The following JDP2 variants were observed in gnomAD, a reference collection of about 807,000 sequenced individuals.
JDP2 encodes the protein progesterone receptor co-activator.
In JDP2, 9 loss-of-function variants were observed where a neutral mutation model predicts 17.1. The observed-to-expected ratio is 0.53, with a 90% CI of 0.32 to 0.92. The LOEUF (loss-of-function observed/expected upper bound fraction) is 0.92. Among genes scored for constraint, JDP2 ranks in the 40% least tolerant of loss-of-function variants. The pLI is 0.04. For synonymous variants in JDP2, 107 were observed against 95.6 expected (o/e 1.12, Z -0.69); for missense variants, 179 against 220.0 (o/e 0.81, Z 1.18).
In JDP2 at chr14:75,469,751, G is replaced by A. The variant is rs1028452312; in HGVS notation, c.*276G>A. On this transcript the variant is annotated 3_prime_UTR_variant, in exon 4 of 4. Transcript: ENST00000651602. Reference sequence around the variant, plus strand: ...CCTGGGGCCCCACTTGAAGGAGGCAGGACAGAGGCACCGAGGCCAGGGAGA... The same window carrying A: ...CCTGGGGCCCCACTTGAAGGAGGCAAGACAGAGGCACCGAGGCCAGGGAGA... 6 of 399,882 alleles carry A rather than the reference G, an allele frequency of 1.5e-5. No homozygotes were observed. The highest frequency in any genetic ancestry group is 6.9e-4 in the Middle Eastern group (1 of 1,454). 24.8% of individuals were successfully genotyped at this position (399,882 alleles called of 1,614,324 possible). A position where few individuals can be genotyped will look rare whatever the true frequency, so the allele number is the denominator to read the frequency against.
At chr14:75,468,683 A>C (rs569894935) in intron 3 of JDP2, among the ~76,000 whole-genome samples, 2 of 152,384 alleles carry the variant, frequency 1.3e-5, no homozygotes, top group African/African-American at 4.8e-5. Context: ...GTCTGTGGGC[A>C]AAGCTTCCAG....
At position 75,428,864 on chromosome 14, in the gene JDP2, G is replaced by T. The variant is rs573386031; in HGVS notation, c.-24+612G>T. ...GCTCTGGGCTGGGAGGGGATCTAGGGGTGGCCGGGGTCCCCTTTGGGCTCT... is the reference window on the plus strand; with the variant it reads ...GCTCTGGGCTGGGAGGGGATCTAGGTGTGGCCGGGGTCCCCTTTGGGCTCT... On this transcript the variant is annotated intron_variant, in intron 1 of 3. Coordinates refer to ENST00000651602, the MANE Select transcript of JDP2 (RefSeq NM_001135048.2). The surrounding 1 kb of genome is among the most constrained non-coding windows in gnomAD (Gnocchi z 5.6). Among the ~76,000 whole-genome samples the T allele has an allele frequency of 1.3e-5, 2 of 152,264 alleles. No individual in the cohort carries two copies. The highest frequency in any genetic ancestry group is 4.8e-5 in the African/African-American group (2 of 41,546).
At chr14:75,452,942 A>G (rs1026906975) in intron 2 of JDP2, among the ~76,000 whole-genome samples, 2 of 152,234 alleles carry the variant, frequency 1.3e-5, no homozygotes, top group African/African-American at 2.4e-5. Flanking sequence ...AGGCCTGGCA[A>G]GAGATGACGG....
At chr14:75,455,055 T>C (rs1322768855) in intron 2 of JDP2, among the ~76,000 whole-genome samples, 2 of 152,144 alleles carry the variant, frequency 1.3e-5, no homozygotes, top group Admixed American at 6.5e-5. Context: ...TAGAGATGTA[T>C]TTTGCAGGTG....
rs1886783238 is a variant in JDP2 at position 75,470,640 on chromosome 14, GT to G, written c.*1167del. 1 of 152,242 alleles carries G rather than the reference GT, an allele frequency of 6.6e-6. No individual in the cohort carries two copies. Among genetic ancestry groups the G allele is most frequent in the Non-Finnish European group, 1.5e-5 (1 of 68,058 alleles). The allele number at this position is 152,242 out of a possible 1,614,324, so 9.4% of individuals were successfully genotyped here. A position where few individuals can be genotyped will look rare whatever the true frequency, so the allele number is the denominator to read the frequency against. ...TTACTATTTTGAGAGCAGTCAGAGT[GT>G]TCGCTCACTCTGCAGATGTTTTCTG... On this transcript the variant is annotated 3_prime_UTR_variant, in exon 4 of 4. Coordinates refer to ENST00000651602, the MANE Select transcript of JDP2 (RefSeq NM_001135048.2).
rs576125238 is a variant in JDP2 at position 75,430,123 on chromosome 14, T to C, written c.-24+1871T>C. On this transcript the variant is annotated intron_variant, in intron 1 of 3. Transcript: ENST00000651602. The surrounding 1 kb of genome is among the most constrained non-coding windows in gnomAD (Gnocchi z 4.5). ...TCCTCCTGACTCCCTGGGTTTGTTG[T>C]CATCTCCCTACCTGTTTGTAGGATG... is the stretch of plus-strand genomic sequence containing the variant. 3.2e-4 allele frequency among the ~76,000 whole-genome samples: 49 copies of C among 152,206 alleles called. No individual in the cohort carries two copies. Among genetic ancestry groups the C allele is most frequent in the Non-Finnish European group, 6.5e-4 (44 of 68,028 alleles).
At position 75,473,180 on chromosome 14, in the gene JDP2, A is replaced by T. The variant is rs1396265172; in HGVS notation, c.*3705A>T. 2.0e-5 allele frequency: 3 copies of T among 152,210 alleles called. No individual in the cohort carries two copies. Among genetic ancestry groups the T allele is most frequent in the Non-Finnish European group, 2.9e-5 (2 of 68,060 alleles). The allele number at this position is 152,210 out of a possible 1,614,324, so 9.4% of individuals were successfully genotyped here. ...CGGTGAAACCCTGTCTCTACTAATA[A>T]TACAAAAAATTAGCCGGGCATGGTG... On this transcript the variant is annotated 3_prime_UTR_variant, in exon 4 of 4. Coordinates refer to ENST00000651602, the MANE Select transcript of JDP2 (RefSeq NM_001135048.2).
rs1420137094 is a variant in JDP2 at position 75,428,274 on chromosome 14, G to A, written c.-24+22G>A. 2.0e-5 allele frequency: 3 copies of A among 146,770 alleles called. No individual in the cohort carries two copies. The highest frequency in any genetic ancestry group is 7.3e-5 in the African/African-American group (3 of 40,850). 9.1% of individuals were successfully genotyped at this position (146,770 alleles called of 1,614,324 possible). On this transcript the variant is annotated intron_variant, in intron 1 of 3. Coordinates refer to ENST00000651602, the MANE Select transcript of JDP2 (RefSeq NM_001135048.2). This position sits in a 1 kb window ranked among gnomAD's most constrained non-coding sequence, Gnocchi z 5.6. ...CACGGTGGGTGCGAGGGCGCGCGCT[G>A]GGGGCGCCGGGACGGGCGGGGCGGG...
chr14:75,437,860 C>A, intron 1 of JDP2, 38 bp from the exon 2 acceptor site: 3 of 1,462,314 alleles, frequency 2.1e-6, no homozygotes, highest in Non-Finnish European at 9.2e-7. Context: ...GAGCCCCCAA[C>A]CTGGCTGACT....
chr14:75,436,792 T>C (rs554283095), intron 1 of JDP2, among the ~76,000 whole-genome samples: 1 of 152,346 alleles, frequency 6.6e-6, no homozygotes, highest in East Asian at 1.9e-4. Flanking sequence ...ATTCCCTTGG[T>C]GTTGACCTGT....
intron 2 of JDP2, among the ~76,000 whole-genome samples, chr14:75,453,888 G>T (rs972876503): frequency 1.3e-5 from 2 of 152,132 alleles, no homozygotes; most frequent in African/African-American, 4.8e-5. Context: ...TGGGGGTTTT[G>T]GTTTTTCTTT....
chr14:75,437,666 A>G (rs918162847), intron 1 of JDP2, among the ~76,000 whole-genome samples: 1 of 152,242 alleles, frequency 6.6e-6, no homozygotes, highest in Non-Finnish European at 1.5e-5. Flanking sequence ...TGCCTTCAAA[A>G]TAAAAAAGGC....
chr14:75,434,957 T>A (rs1884994914), intron 1 of JDP2, among the ~76,000 whole-genome samples: 3 of 152,362 alleles, frequency 2.0e-5, no homozygotes, highest in Non-Finnish European at 4.4e-5. Context: ...TTATTGATGA[T>A]GCTTTCTGCG....
intron 2 of JDP2, among the ~76,000 whole-genome samples, chr14:75,446,047 G>GA (rs1160683385): frequency 6.6e-6 from 1 of 152,030 alleles, no homozygotes; most frequent in Non-Finnish European, 1.5e-5. Flanking sequence ...CTAAGCACAT[G>GA]AAAAAATGCT....
intron 2 of JDP2, among the ~76,000 whole-genome samples, chr14:75,445,970 A>C (rs1278370557): frequency 6.6e-6 from 1 of 152,244 alleles, no homozygotes; most frequent in African/African-American, 2.4e-5. Context: ...TAAGACAAAT[A>C]ACCCAGTAGA....
At chr14:75,449,562 G>A (rs1416029295) in intron 2 of JDP2, among the ~76,000 whole-genome samples, 2 of 152,146 alleles carry the variant, frequency 1.3e-5, no homozygotes, top group Admixed American at 1.3e-4. Context: ...GGGTCTTGTG[G>A]GGGCCACCAT....
At chr14:75,434,585 G>T (rs773156801) in intron 1 of JDP2, among the ~76,000 whole-genome samples, 2 of 152,112 alleles carry the variant, frequency 1.3e-5, no homozygotes, top group Admixed American at 6.5e-5. Flanking sequence ...CCTTCAGGGG[G>T]TTCCACAGTA....
intron 1 of JDP2, chr14:75,432,103 C>A (rs1884828895): frequency 1.7e-6 from 1 of 579,646 alleles, no homozygotes. Flanking sequence ...ACCCCCCCTT[C>A]CTCTTGGCCT....
At position 75,428,938 on chromosome 14, in the gene JDP2, G is replaced by T. The variant is rs1020860909; in HGVS notation, c.-24+686G>T. Reference sequence around the variant, plus strand: ...TAAGGAGGCAAGCAGGCTCCTGTAGGTAACCAGCCTCTCCCTTGCCCAGCC... The same window carrying T: ...TAAGGAGGCAAGCAGGCTCCTGTAGTTAACCAGCCTCTCCCTTGCCCAGCC... On this transcript the variant is annotated intron_variant, in intron 1 of 3. Transcript: ENST00000651602. This position sits in a 1 kb window ranked among gnomAD's most constrained non-coding sequence, Gnocchi z 5.6. Among the ~76,000 whole-genome samples the T allele has an allele frequency of 6.6e-6, 1 of 152,002 alleles. No individual in the cohort carries two copies. The highest frequency in any genetic ancestry group is 1.5e-5 in the Non-Finnish European group (1 of 67,966).
Sources: gnomAD v4.1 joint callset for allele counts (sites outside exome capture counted in the v4.1 genomes callset) on GRCh38, gnomAD v4.1.1 for gene constraint, Gnocchi (gnomAD v3.1) non-coding constraint, MANE v1.5 for transcripts, NCBI Gene and HGNC (gene_info 2026-07-23, HGNC 2026-07-21) for gene names.